GNAQ: variants seen among roughly 807,000 people sequenced by gnomAD.
GNAQ encodes the protein guanine nucleotide-binding protein G(q) subunit alpha.
Under a neutral mutation model 43.9 loss-of-function variants are expected in GNAQ, and 8 were observed. The observed-to-expected ratio is 0.18, with a 90% confidence interval of 0.11 to 0.33. The LOEUF is 0.33. Ranked by LOEUF, GNAQ falls within the 10% of genes least tolerant of loss-of-function variation. The pLI is 1.00. For synonymous variants in GNAQ, 155 were observed against 170.7 expected (o/e 0.91, Z 0.71); for missense variants, 158 against 450.8 (o/e 0.35, Z 5.88).
intron 2 of GNAQ, among the ~76,000 whole-genome samples, chr9:77,820,529 A>C (rs1827097346): frequency 6.6e-6 from 1 of 152,198 alleles, no homozygotes; most frequent in Admixed American, 6.5e-5. Context: ...ATGATTCAAC[A>C]TGTGGCTCAG....
chr9:78,007,414 C>G (rs2118570560), intron 1 of GNAQ, among the ~76,000 whole-genome samples: 2 of 149,966 alleles, frequency 1.3e-5, no homozygotes, highest in South Asian at 4.2e-4. Flanking sequence ...CTTGCTCAAG[C>G]AAGCCACCCA....
intron 2 of GNAQ, among the ~76,000 whole-genome samples, chr9:77,884,108 G>GA (rs1373987787): frequency 6.6e-6 from 1 of 152,146 alleles, no homozygotes; most frequent in Admixed American, 6.5e-5. Context: ...CTGACAAAAA[G>GA]AGACAGCCAG....
At chr9:77,845,725 C>T (rs922361327) in intron 2 of GNAQ, among the ~76,000 whole-genome samples, 2 of 152,116 alleles carry the variant, frequency 1.3e-5, no homozygotes, top group Non-Finnish European at 2.9e-5. Context: ...AAACTTTACA[C>T]AGTATAAACA....
intron 5 of GNAQ, among the ~76,000 whole-genome samples, chr9:77,783,914 T>C (rs1038022214): frequency 1.3e-5 from 2 of 152,150 alleles, no homozygotes; most frequent in Non-Finnish European, 2.9e-5. Context: ...AAAAAAATTC[T>C]TGATGACAAA....
At chr9:77,725,829 A>T (rs1825389180) in intron 6 of GNAQ, among the ~76,000 whole-genome samples, 1 of 152,152 alleles carries the variant, frequency 6.6e-6, no homozygotes, top group African/African-American at 2.4e-5. Context: ...GCATCTGAGA[A>T]GTTTGAATGA....
At chr9:77,994,281 C>T (rs962977946) in intron 1 of GNAQ, among the ~76,000 whole-genome samples, 5 of 152,202 alleles carry the variant, frequency 3.3e-5, no homozygotes, top group Non-Finnish European at 7.3e-5. Flanking sequence ...CTCAAGTGAT[C>T]CTTCCACCTT....
At chr9:77,934,762 T>C (rs756632540) in intron 1 of GNAQ, among the ~76,000 whole-genome samples, 38 of 152,214 alleles carry the variant, frequency 2.5e-4, no homozygotes, top group Admixed American at 3.9e-4. Context: ...AATCTGCACA[T>C]GCAGAGCAGT....
intron 5 of GNAQ, among the ~76,000 whole-genome samples, chr9:77,762,234 T>A (rs1397612333): frequency 1.3e-4 from 13 of 98,906 alleles, no homozygotes; most frequent in East Asian, 7.0e-4. Flanking sequence ...CAGCCGCCCC[T>A]TCCGGGAGGG....
At position 77,720,685 on chromosome 9, in the gene GNAQ, T is replaced by C. The variant is rs1825296616; in HGVS notation, c.*638A>G. 1 of 233,232 alleles carries C rather than the reference T, an allele frequency of 4.3e-6. No individual in the cohort carries two copies. 14.4% of individuals were successfully genotyped at this position (233,232 alleles called of 1,614,324 possible). On this transcript the variant is annotated 3_prime_UTR_variant, in exon 7 of 7. Transcript: ENST00000286548. ...ACTTAACTTTTAGATGGGCATCCACTGTCCCAGTCCAAAGTGAGACAAGAC... is the reference window on the plus strand; with the variant it reads ...ACTTAACTTTTAGATGGGCATCCACCGTCCCAGTCCAAAGTGAGACAAGAC...
intron 2 of GNAQ, among the ~76,000 whole-genome samples, chr9:77,906,801 G>A (rs1439689960): frequency 6.6e-6 from 1 of 152,122 alleles, no homozygotes; most frequent in African/African-American, 2.4e-5. Context: ...AAACCTCAAT[G>A]GGGGTTTTCT....
intron 5 of GNAQ, among the ~76,000 whole-genome samples, chr9:77,778,773 C>T (rs114700312): frequency 6.6e-6 from 1 of 152,010 alleles, no homozygotes; most frequent in African/African-American, 2.4e-5. Context: ...AGACAAGTAG[C>T]TATACCCAAG....
chr9:77,823,580 G>C (rs559523686), intron 2 of GNAQ, among the ~76,000 whole-genome samples: 1 of 152,274 alleles, frequency 6.6e-6, no homozygotes, highest in African/African-American at 2.4e-5. Flanking sequence ...GGTTCTGCAG[G>C]CTGTATAGGA....
intron 1 of GNAQ, among the ~76,000 whole-genome samples, chr9:77,977,453 G>GA (rs963043764): frequency 4.1e-4 from 62 of 149,654 alleles, no homozygotes; most frequent in Admixed American, 7.3e-4. Flanking sequence ...GCTCCCTCTT[G>GA]AAAAAAAAAC....
chr9:77,997,960 C>T (rs1209400657), intron 1 of GNAQ, among the ~76,000 whole-genome samples: 2 of 152,174 alleles, frequency 1.3e-5, no homozygotes, highest in Admixed American at 1.3e-4. Flanking sequence ...GAAAGAACTG[C>T]TATATTTCCT....
chr9:78,031,368 G>A lies in GNAQ; in HGVS notation c.-133C>T. Reference sequence around the variant, plus strand: ...CGCCGCCCGGGCGCGCGTCCGGGACGAGCTCCGGGAACCGCCGCGGGGGCG... The same window carrying A: ...CGCCGCCCGGGCGCGCGTCCGGGACAAGCTCCGGGAACCGCCGCGGGGGCG... On this transcript the variant is annotated 5_prime_UTR_variant, in exon 1 of 7. Transcript: ENST00000286548. 1 of 574,914 alleles carries A rather than the reference G, an allele frequency of 1.7e-6. No homozygotes were observed. Among genetic ancestry groups the A allele is most frequent in the Non-Finnish European group, 2.5e-6 (1 of 405,860 alleles). 35.6% of individuals were successfully genotyped at this position (574,914 alleles called of 1,614,324 possible).
At chr9:78,018,238 T>C (rs1232026074) in intron 1 of GNAQ, among the ~76,000 whole-genome samples, 2 of 152,012 alleles carry the variant, frequency 1.3e-5, no homozygotes, top group African/African-American at 4.8e-5. Context: ...TTATACAGTC[T>C]TTTCAAATGT....
At chr9:77,798,061 T>C (rs1253380379) in intron 3 of GNAQ, among the ~76,000 whole-genome samples, 1 of 152,174 alleles carries the variant, frequency 6.6e-6, no homozygotes, top group Admixed American at 6.5e-5. Context: ...CTTTTTCTTT[T>C]TTCTCTTTTT....
chr9:78,025,050 T>C (rs1823959800), intron 1 of GNAQ, among the ~76,000 whole-genome samples: 1 of 152,222 alleles, frequency 6.6e-6, no homozygotes, highest in South Asian at 2.1e-4. Flanking sequence ...AATTTGGGAT[T>C]CTCGGCACTG....
chr9:77,887,822 C>T (rs1035415473), intron 2 of GNAQ, among the ~76,000 whole-genome samples: 4 of 152,164 alleles, frequency 2.6e-5, no homozygotes, highest in Non-Finnish European at 4.4e-5. Context: ...TATTATTCCC[C>T]AAGGCTTCTT....
Sources: allele counts gnomAD v4.1 joint callset (sites outside exome capture counted in the v4.1 genomes callset), GRCh38; gene constraint gnomAD v4.1.1; transcripts MANE v1.5; gene names NCBI Gene and HGNC (gene_info 2026-07-23, HGNC 2026-07-21).